The following CCDC6 variants were observed in gnomAD, a reference collection of about 807,000 sequenced individuals.
CCDC6 encodes coiled-coil domain-containing protein 6.
Under a neutral mutation model 56.6 loss-of-function variants are expected in CCDC6, and 20 were observed. The ratio of observed to expected loss-of-function variants is 0.35; its 90% CI spans 0.25 to 0.51. CCDC6 has a LOEUF of 0.51. Among genes scored for constraint, CCDC6 ranks in the 20% least tolerant of loss-of-function variants. The pLI, the probability that CCDC6 is intolerant of heterozygous loss-of-function variation, is 0.95. For synonymous variants in CCDC6, 241 were observed against 234.4 expected (o/e 1.03, Z -0.26); for missense variants, 367 against 601.1 (o/e 0.61, Z 4.07).
intron 1 of CCDC6, among the ~76,000 whole-genome samples, chr10:59,862,580 CACACAT>C (rs1164169726): frequency 1.4e-5 from 2 of 146,958 alleles, no homozygotes; most frequent in African/African-American, 5.2e-5. Context: ...TACACACACA[CACACAT>C]ATATAAAACC....
At chr10:59,831,905 T>C (rs1408923272) in intron 3 of CCDC6, among the ~76,000 whole-genome samples, 3 of 152,198 alleles carry the variant, frequency 2.0e-5, no homozygotes, top group Non-Finnish European at 4.4e-5. Context: ...CTTCCCACCT[T>C]TGTCCCTTGT....
intron 1 of CCDC6, among the ~76,000 whole-genome samples, chr10:59,902,184 G>C (rs887447833): frequency 6.6e-6 from 1 of 152,106 alleles, no homozygotes; most frequent in Non-Finnish European, 1.5e-5. Context: ...TGAGAACACA[G>C]GCCCATGAAA....
intron 5 of CCDC6, among the ~76,000 whole-genome samples, chr10:59,808,956 T>C (rs1469800904): frequency 2.0e-5 from 3 of 152,240 alleles, no homozygotes; most frequent in Admixed American, 6.5e-5. Flanking sequence ...CTAAATCCCT[T>C]GGCTGTTTCA....
At chr10:59,880,020 G>A (rs1005068749) in intron 1 of CCDC6, among the ~76,000 whole-genome samples, 8 of 152,090 alleles carry the variant, frequency 5.3e-5, no homozygotes, top group Non-Finnish European at 1.2e-4. Context: ...CAGGATCCTA[G>A]CTATTGCATA....
intron 7 of CCDC6, 144 bp downstream of exon 7, chr10:59,804,276 T>A (rs1027891797): frequency 1.7e-5 from 10 of 575,030 alleles, no homozygotes; most frequent in African/African-American, 1.7e-4. Context: ...GCCTTGAGAG[T>A]GATGAGTTTT....
At chr10:59,847,070 T>G (rs2070998393) in intron 2 of CCDC6, among the ~76,000 whole-genome samples, 1 of 152,056 alleles carries the variant, frequency 6.6e-6, no homozygotes, top group Non-Finnish European at 1.5e-5. Flanking sequence ...TTTTTTTTTT[T>G]GAGACGGAGT....
chr10:59,829,252 T>C (rs577057977), intron 3 of CCDC6, among the ~76,000 whole-genome samples: 3 of 152,190 alleles, frequency 2.0e-5, no homozygotes, highest in Non-Finnish European at 4.4e-5. Flanking sequence ...AGCTCTACTT[T>C]CAAAACAAAC....
At chr10:59,870,600 G>A (rs900178291) in intron 1 of CCDC6, among the ~76,000 whole-genome samples, 32 of 113,602 alleles carry the variant, frequency 2.8e-4, no homozygotes, top group Admixed American at 5.5e-4. Flanking sequence ...GGACCACCCA[G>A]CTAGATTACA....
At chr10:59,793,922 G>GA (rs1201440329) in intron 8 of CCDC6, among the ~76,000 whole-genome samples, 3 of 151,914 alleles carry the variant, frequency 2.0e-5, no homozygotes, top group Non-Finnish European at 4.4e-5. Flanking sequence ...TCTGTTATTG[G>GA]AAATACCCTT....
At chr10:59,875,986 C>A (rs1468912432) in intron 1 of CCDC6, among the ~76,000 whole-genome samples, 1 of 148,524 alleles carries the variant, frequency 6.7e-6, no homozygotes, top group Non-Finnish European at 1.5e-5. Context: ...AAAAAAATAA[C>A]GGTTGTTAAA....
intron 3 of CCDC6, among the ~76,000 whole-genome samples, chr10:59,822,177 C>G (rs187058690): frequency 1.3e-5 from 2 of 152,198 alleles, no homozygotes; most frequent in South Asian, 4.1e-4. Context: ...AAATTATGTT[C>G]CTGTAAGAAT....
intron 6 of CCDC6, among the ~76,000 whole-genome samples, chr10:59,805,898 T>C (rs188925688): frequency 1.7e-4 from 26 of 152,306 alleles, no homozygotes; most frequent in Non-Finnish European, 3.2e-4. Flanking sequence ...TCTAGATCCA[T>C]TCCATAATAG....
intron 3 of CCDC6, among the ~76,000 whole-genome samples, chr10:59,820,003 G>A (rs2070738017): frequency 6.6e-6 from 1 of 152,164 alleles, no homozygotes. Flanking sequence ...ATCAGACCAG[G>A]AGTTCTTATT....
At chr10:59,819,964 G>C (rs1010787722) in intron 3 of CCDC6, among the ~76,000 whole-genome samples, 3 of 152,206 alleles carry the variant, frequency 2.0e-5, no homozygotes, top group Admixed American at 6.5e-5. Context: ...CTCTTGAGTA[G>C]CTCTACTTTC....
chr10:59,881,717 G>C (rs1178958479), intron 1 of CCDC6, among the ~76,000 whole-genome samples: 1 of 152,154 alleles, frequency 6.6e-6, no homozygotes, highest in African/African-American at 2.4e-5. Context: ...GAACATCCTG[G>C]CTGCCTAAGC....
At chr10:59,906,067 C>A (rs1024077210) in intron 1 of CCDC6, 55 bp downstream of exon 1, 17 of 1,468,626 alleles carry the variant, frequency 1.2e-5, no homozygotes, top group Admixed American at 1.9e-5. Flanking sequence ...CGGGTGCAGC[C>A]CCTCCCGGGG....
chr10:59,806,919 C>T lies in CCDC6; in HGVS notation c.1004+3G>A, dbSNP rs768346071. The T allele has an allele frequency of 4.3e-6, 7 of 1,613,136 alleles. No individual in the cohort carries two copies. The African/African-American group carries it at 8.0e-5, about 18-fold the overall frequency. Reference sequence around the variant, plus strand: ...AAACAAGGCTCATAAGACATGCACACACCTTTCGTCGTCCATTTCTAAGCT... The same window carrying T: ...AAACAAGGCTCATAAGACATGCACATACCTTTCGTCGTCCATTTCTAAGCT... On this transcript the variant is annotated splice_donor_region_variant and intron_variant, in intron 6 of 8. Transcript: ENST00000263102.
chr10:59,815,902 A>G (rs1171110558), intron 3 of CCDC6, among the ~76,000 whole-genome samples: 1 of 152,234 alleles, frequency 6.6e-6, no homozygotes, highest in Non-Finnish European at 1.5e-5. Context: ...CATGAATAAA[A>G]TGTAGTCTTT....
chr10:59,800,591 TAC>T (rs1350654752), intron 7 of CCDC6, among the ~76,000 whole-genome samples: 4 of 150,828 alleles, frequency 2.7e-5, no homozygotes, highest in Non-Finnish European at 5.9e-5. Flanking sequence ...TGAAATTTAT[TAC>T]ATTTAGCCTT....
Sources: gnomAD v4.1 joint callset for allele counts (sites outside exome capture counted in the v4.1 genomes callset) on GRCh38, gnomAD v4.1.1 for gene constraint, MANE v1.5 for transcripts, NCBI Gene and HGNC (gene_info 2026-07-23, HGNC 2026-07-21) for gene names.